The following ABCA10 variants were observed in gnomAD, a reference collection of about 807,000 sequenced individuals.
The protein encoded by ABCA10 is ATP binding cassette subfamily A member 10.
ABCA10 carries 169 observed loss-of-function variants against 187.5 expected under a neutral mutation model. That is an observed-to-expected ratio of 0.90 (90% confidence interval 0.80 to 1.02). The LOEUF is 1.02. ABCA10 is among the 50% of genes least tolerant of loss of function. The probability of loss-of-function intolerance (pLI) is 0.00; values close to 1 mark genes in which losing one functional copy is unlikely to be tolerated. For synonymous variants in ABCA10, 574 were observed against 601.8 expected, an observed-to-expected ratio of 0.95 and a Z score of 0.68; for missense variants, 1,727 against 1,812.4, an observed-to-expected ratio of 0.95 and a Z score of 0.86.
chr17:69,152,920 T>TA (rs2074141687), intron 34 of ABCA10, among the ~76,000 whole-genome samples: 1 of 152,052 alleles, frequency 6.6e-6, no homozygotes, highest in Non-Finnish European at 1.5e-5. Flanking sequence ...ATAGGCTTCA[T>TA]AAAAAAGAAG....
In ABCA10 at chr17:69,200,750, C is replaced by T. The variant is rs1035408020; in HGVS notation, c.1175+750G>A. Among the ~76,000 whole-genome samples the T allele has an allele frequency of 2.0e-5, 3 of 152,208 alleles. No individual in the cohort carries two copies. The South Asian group carries it at 6.2e-4, about 32-fold the overall frequency. On this transcript the variant is annotated intron_variant, in intron 10 of 38. Coordinates refer to ENST00000690296, the MANE Select transcript of ABCA10 (RefSeq NM_001377321.1). Reference sequence around the variant, plus strand: ...CTTCTGAGACAGGGTCTGGGTCTGTCGCCCAGGCTGGAGTGCAAGTGGCGC... The same window carrying T: ...CTTCTGAGACAGGGTCTGGGTCTGTTGCCCAGGCTGGAGTGCAAGTGGCGC...
At chr17:69,154,208 A>G in intron 31 of ABCA10, 27 bp downstream of exon 31, 1 of 1,554,244 alleles carries the variant, frequency 6.4e-7, no homozygotes, top group East Asian at 2.2e-5. Flanking sequence ...AATATTTAAA[A>G]TAAAATTTCC....
At chr17:69,188,877 T>C (rs2074440493) in intron 18 of ABCA10, among the ~76,000 whole-genome samples, 1 of 152,294 alleles carries the variant, frequency 6.6e-6, no homozygotes, top group East Asian at 1.9e-4. Context: ...TCATTCTTTA[T>C]GGTTGCGTGG....
Position 69,174,668 on chromosome 17 carries a change from T to C in ABCA10, c.2987A>G (p.His996Arg), listed in dbSNP as rs774182983. The C allele has an allele frequency of 5.8e-5, 94 of 1,611,758 alleles. No homozygotes were observed. Among genetic ancestry groups the C allele is most frequent in the Non-Finnish European group, 7.6e-5 (90 of 1,178,698 alleles). The change falls in exon 24 of 39, where the codon CAT (histidine) becomes CGT (arginine). Residue 996 changes from histidine to arginine, a missense_variant. Physicochemically the swap from His to Arg is conservative, Grantham distance 29. Transcript: ENST00000690296. ...PLYFLILFSI[H>R]LIYYFIFLGF... is the part of the protein sequence containing the mutation. ...CAGAAATATGAAGTAGTAAATTAAA[T>C]GTATTGAAAAGAGAATCAAGAAGTA... is the stretch of plus-strand genomic sequence containing the variant.
chr17:69,192,103 T>A (rs554867108), intron 16 of ABCA10, among the ~76,000 whole-genome samples: 36 of 152,344 alleles, frequency 2.4e-4, no homozygotes, highest in African/African-American at 8.7e-4. Flanking sequence ...GGCAGGCAGA[T>A]CACGAGGTCA....
intron 34 of ABCA10, 55 bp from the exon 35 acceptor site, chr17:69,152,536 T>C (rs770833145): frequency 5.9e-5 from 92 of 1,551,786 alleles, no homozygotes; most frequent in East Asian, 1.8e-4. Flanking sequence ...GGGAAATAGA[T>C]AAATAGAAAA....
At chr17:69,197,279 A>C (rs2074513046) in intron 10 of ABCA10, among the ~76,000 whole-genome samples, 157 bp from the exon 11 acceptor site, 1 of 152,100 alleles carries the variant, frequency 6.6e-6, no homozygotes, top group African/African-American at 2.4e-5. Flanking sequence ...GACCACTCCC[A>C]AAAGAGATTT....
intron 9 of ABCA10, among the ~76,000 whole-genome samples, chr17:69,204,635 G>A (rs989036181): frequency 1.3e-5 from 2 of 152,160 alleles, no homozygotes; most frequent in African/African-American, 4.8e-5. Flanking sequence ...CAAAAGCCTT[G>A]AAGACTCAGA....
At chr17:69,209,910 A>T (rs1265414784) in intron 9 of ABCA10, among the ~76,000 whole-genome samples, 1 of 152,150 alleles carries the variant, frequency 6.6e-6, no homozygotes, top group Non-Finnish European at 1.5e-5. Context: ...GGTACAGTAA[A>T]AATATGGGAT....
chr17:69,154,281 G>T lies in ABCA10; in HGVS notation c.3740C>A (p.Thr1247Asn). 6.2e-7 allele frequency: 1 copy of T among 1,612,762 alleles called. No individual in the cohort carries two copies. Among genetic ancestry groups the T allele is most frequent in the Non-Finnish European group, 8.5e-7 (1 of 1,179,628 alleles). The change falls in exon 31 of 39, where the codon ACT becomes AAT. Residue 1247 changes from threonine (T) to asparagine (N), a missense_variant. Physicochemically the swap from Thr to Asn is moderately conservative, Grantham distance 65 (BLOSUM62 0). Coordinates refer to ENST00000690296, the MANE Select transcript of ABCA10 (RefSeq NM_001377321.1). ...GCACCCAGTTATCATTTTAATGGAA[G>T]TACTTTTACCAGCTCCATTGTGTCC... Reference protein sequence around the residue: ...LLGHNGAGKSTSIKMITGCTK... With the variant: ...LLGHNGAGKSNSIKMITGCTK...
chr17:69,209,823 G>T (rs543775840), intron 9 of ABCA10, among the ~76,000 whole-genome samples: 1 of 152,130 alleles, frequency 6.6e-6, no homozygotes, highest in Non-Finnish European at 1.5e-5. Context: ...AACCTGTACA[G>T]CATGTTACTG....
intron 25 of ABCA10, among the ~76,000 whole-genome samples, chr17:69,170,012 G>A (rs1017664599): frequency 3.3e-5 from 5 of 152,084 alleles, no homozygotes; most frequent in South Asian, 2.1e-4. Flanking sequence ...TTCTGGCCGG[G>A]CACGGTGGTT....
chr17:69,152,301 C>A, intron 35 of ABCA10, 61 bp downstream of exon 35: 4 of 1,582,882 alleles, frequency 2.5e-6, no homozygotes, highest in Non-Finnish European at 3.4e-6. Context: ...CTGTTCATAG[C>A]AAACTGAAAC....
upstream of ABCA10, among the ~76,000 whole-genome samples, chr17:69,230,465 A>G (rs1048066833): frequency 3.9e-5 from 6 of 151,984 alleles, no homozygotes; most frequent in African/African-American, 1.5e-4. Flanking sequence ...TTACACATTT[A>G]TAATAGGATT....
chr17:69,162,405 T>G (rs970917386), intron 27 of ABCA10, among the ~76,000 whole-genome samples: 2 of 152,196 alleles, frequency 1.3e-5, no homozygotes, highest in Non-Finnish European at 2.9e-5. Context: ...GTTGACTTTC[T>G]GGAGGGACAA....
At chr17:69,157,891 A>G (rs1404761471) in intron 27 of ABCA10, among the ~76,000 whole-genome samples, 3 of 152,068 alleles carry the variant, frequency 2.0e-5, no homozygotes, top group Non-Finnish European at 4.4e-5. Flanking sequence ...ATATAAAATA[A>G]TATCTTCTTG....
intron 9 of ABCA10, among the ~76,000 whole-genome samples, chr17:69,202,470 C>T (rs957078719): frequency 6.6e-6 from 1 of 151,974 alleles, no homozygotes; most frequent in Non-Finnish European, 1.5e-5. Context: ...GGCTGGACAA[C>T]TGTTGTCAAA....
chr17:69,194,383 A>G lies in ABCA10; in HGVS notation c.1345+2T>C, dbSNP rs778667641. The G allele has an allele frequency of 3.1e-5, 49 of 1,604,154 alleles. No homozygotes were observed. The highest frequency in any genetic ancestry group is 2.2e-4 in the Admixed American group (13 of 58,712). Reference sequence around the variant, plus strand: ...ACTTACTTTATAAAACTGTTTTCTCACCTTCTGTAGAAACAGACAATCCAC... The same window carrying G: ...ACTTACTTTATAAAACTGTTTTCTCGCCTTCTGTAGAAACAGACAATCCAC... On this transcript the variant is annotated splice_donor_variant, in intron 12 of 38. Coordinates refer to ENST00000690296, the MANE Select transcript of ABCA10 (RefSeq NM_001377321.1). LOFTEE classifies it high-confidence loss of function.
intron 9 of ABCA10, among the ~76,000 whole-genome samples, chr17:69,207,573 A>G (rs999401194): frequency 6.6e-6 from 1 of 152,156 alleles, no homozygotes; most frequent in African/African-American, 2.4e-5. Context: ...TTTAGCTTGT[A>G]AAAAAAGGAA....
Sources: gnomAD v4.1 joint callset for allele counts (sites outside exome capture counted in the v4.1 genomes callset) on GRCh38, gnomAD v4.1.1 for gene constraint, MANE v1.5 for transcripts, NCBI Gene and HGNC (gene_info 2026-07-23, HGNC 2026-07-21) for gene names.